Variants in ATP9A observed in about 807,000 individuals in gnomAD.
ATP9A encodes the protein probable phospholipid-transporting ATPase IIA.
ATP9A carries 52 observed loss-of-function variants against 144.1 expected under a neutral mutation model. The observed-to-expected ratio is 0.36, with a 90% CI of 0.29 to 0.45. The LOEUF (loss-of-function observed/expected upper bound fraction) is 0.45. Among genes scored for constraint, ATP9A ranks in the 20% least tolerant of loss-of-function variants. ATP9A has a pLI of 1.00. For synonymous variants in ATP9A, 582 were observed against 557.4 expected (o/e 1.04, Z -0.62); for missense variants, 947 against 1,392.7 (o/e 0.68, Z 5.09).
intron 14 of ATP9A, among the ~76,000 whole-genome samples, chr20:51,654,203 A>G (rs576558358): frequency 6.6e-6 from 1 of 152,280 alleles, no homozygotes; most frequent in Non-Finnish European, 1.5e-5. Flanking sequence ...GTCACGGATG[A>G]ACTGGGTTTT....
Position 51,656,871 on chromosome 20 carries a change from G to A in ATP9A, c.1506+67C>T, listed in dbSNP as rs1042277585. The A allele has an allele frequency of 2.0e-5, 29 of 1,446,652 alleles. No individual in the cohort carries two copies. In the East Asian group the frequency reaches 4.4e-4, roughly 22 times the overall value. The allele number at this position is 1,446,652 out of a possible 1,614,324, so 89.6% of individuals were successfully genotyped here. On this transcript the variant is annotated intron_variant, in intron 14 of 27. Transcript: ENST00000338821. ...CTGACACATTGCTTCCTTAGAAAAC[G>A]CCTAATTCCAGCACAGAGAAAACAA...
At chr20:51,756,946 C>T (rs2077859092) in intron 1 of ATP9A, among the ~76,000 whole-genome samples, 1 of 151,960 alleles carries the variant, frequency 6.6e-6, no homozygotes, top group Non-Finnish European at 1.5e-5. Flanking sequence ...GGATGAGACA[C>T]CTTAAAAGGA....
intron 1 of ATP9A, among the ~76,000 whole-genome samples, chr20:51,753,122 G>A (rs79881065): frequency 0.023 from 3,421 of 151,320 alleles, 46 homozygotes; most frequent in East Asian, 0.063. Flanking sequence ...AAGAAAGAAA[G>A]AAAGAAAAGA....
intron 18 of ATP9A, among the ~76,000 whole-genome samples, chr20:51,624,982 G>A (rs1568790749): frequency 6.8e-6 from 1 of 146,574 alleles, no homozygotes. Flanking sequence ...TCCAGCCTGG[G>A]CGACACAGCG....
At chr20:51,617,932 C>T (rs2077209890) in intron 21 of ATP9A, among the ~76,000 whole-genome samples, 1 of 152,070 alleles carries the variant, frequency 6.6e-6, no homozygotes, top group Admixed American at 6.6e-5. Context: ...TAAAGGTGAT[C>T]CTTTTTAGGC....
At chr20:51,758,340 T>A (rs1381543937) in intron 1 of ATP9A, among the ~76,000 whole-genome samples, 1 of 152,194 alleles carries the variant, frequency 6.6e-6, no homozygotes, top group Non-Finnish European at 1.5e-5. Context: ...ACCACCTTCA[T>A]GAGTGACCCT....
intron 9 of ATP9A, among the ~76,000 whole-genome samples, 182 bp downstream of exon 9, chr20:51,688,882 G>T (rs1343656084): frequency 1.3e-5 from 2 of 152,134 alleles, no homozygotes; most frequent in African/African-American, 4.8e-5. Context: ...TCTCCTCCAG[G>T]CATCTCTAAG....
intron 3 of ATP9A, among the ~76,000 whole-genome samples, chr20:51,718,541 G>C (rs1326073747): frequency 2.0e-5 from 3 of 152,030 alleles, no homozygotes; most frequent in Non-Finnish European, 2.9e-5. Flanking sequence ...GATGTGGCTT[G>C]AGTCGAGCGC....
chr20:51,708,636 G>A (rs775984566), intron 4 of ATP9A, among the ~76,000 whole-genome samples: 14 of 152,314 alleles, frequency 9.2e-5, no homozygotes, highest in East Asian at 7.7e-4. Flanking sequence ...TTGAGTGGCC[G>A]AGGCAGGGAG....
chr20:51,719,000 C>T (rs184333324), intron 3 of ATP9A, among the ~76,000 whole-genome samples: 1 of 151,076 alleles, frequency 6.6e-6, no homozygotes, highest in Non-Finnish European at 1.5e-5. Flanking sequence ...TGGTGGTGCG[C>T]GCCTGTAGTC....
intron 11 of ATP9A, among the ~76,000 whole-genome samples, chr20:51,673,313 G>A (rs1328169419): frequency 1.3e-5 from 2 of 152,132 alleles, no homozygotes; most frequent in Non-Finnish European, 2.9e-5. Context: ...GGTGGAGGCT[G>A]CAGTGAGCTG....
chr20:51,695,353 C>G lies in ATP9A; in HGVS notation c.547+740G>C, dbSNP rs188627647. Among the ~76,000 whole-genome samples, 63 of 150,808 alleles carry G rather than the reference C, an allele frequency of 4.2e-4. 1 individual carries two copies. In the East Asian group the frequency reaches 0.011, roughly 26 times the overall value. On this transcript the variant is annotated intron_variant, in intron 6 of 27. Transcript: ENST00000338821. ...CAAAAATTAGCCGGGCATGGTGGTG[C>G]ACGGGAGGCTGAGGCAGGAGAATGG...
intron 19 of ATP9A, 138 bp downstream of exon 19, chr20:51,621,936 G>T: frequency 1.4e-6 from 1 of 711,320 alleles, no homozygotes; most frequent in Non-Finnish European, 2.4e-6. Flanking sequence ...CCCATCCAAA[G>T]CAACCGTGGT....
rs777508048 is a variant in ATP9A at position 51,657,013 on chromosome 20, A to T, written c.1431T>A (p.Gly477=). ...HNVTPVYESN[G]VTDQAEAEKQ... Reference sequence around the variant, plus strand: ...TCTCGGCCTCAGCCTGATCAGTCACACCGTTGGACTCATACACGGGAGTCA... The same window carrying T: ...TCTCGGCCTCAGCCTGATCAGTCACTCCGTTGGACTCATACACGGGAGTCA... Residue 477 remains glycine (G), a synonymous_variant, in exon 14 of 28, where the codon GGT becomes GGA. Coordinates refer to ENST00000338821, the MANE Select transcript of ATP9A (RefSeq NM_006045.3). The T allele has an allele frequency of 1.2e-6, 2 of 1,614,198 alleles. No homozygotes were observed. The highest frequency in any genetic ancestry group is 1.7e-6 in the Non-Finnish European group (2 of 1,180,038).
chr20:51,687,044 A>G (rs978186767), intron 9 of ATP9A, among the ~76,000 whole-genome samples: 1 of 152,062 alleles, frequency 6.6e-6, no homozygotes, highest in African/African-American at 2.4e-5. Flanking sequence ...ATTATTTTTC[A>G]GTCAAATTAT....
intron 1 of ATP9A, among the ~76,000 whole-genome samples, chr20:51,746,237 A>C (rs1385353282): frequency 6.6e-6 from 1 of 152,234 alleles, no homozygotes; most frequent in Admixed American, 6.5e-5. Context: ...CACTGGGCTT[A>C]ATACCTGGGT....
chr20:51,702,513 G>A (rs1369940468), intron 4 of ATP9A, among the ~76,000 whole-genome samples: 1 of 151,974 alleles, frequency 6.6e-6, no homozygotes, highest in Non-Finnish European at 1.5e-5. Context: ...CATATTTACT[G>A]GGAGTTTTCC....
intron 15 of ATP9A, among the ~76,000 whole-genome samples, chr20:51,630,426 G>A (rs2077265556): frequency 6.6e-6 from 1 of 152,054 alleles, no homozygotes; most frequent in African/African-American, 2.4e-5. Flanking sequence ...TCTCAAGCTG[G>A]GTGTGGTGGC....
chr20:51,636,918 C>T (rs923805322), intron 15 of ATP9A, among the ~76,000 whole-genome samples: 12 of 152,152 alleles, frequency 7.9e-5, no homozygotes, highest in Non-Finnish European at 1.6e-4. Context: ...GGCAAAACCC[C>T]GTCTCTACTA....
Sources: allele counts gnomAD v4.1 joint callset (sites outside exome capture counted in the v4.1 genomes callset), GRCh38; gene constraint gnomAD v4.1.1; transcripts MANE v1.5; gene names NCBI Gene and HGNC (gene_info 2026-07-23, HGNC 2026-07-21).